SYT6: variants seen among roughly 807,000 people sequenced by gnomAD.
SYT6 encodes the protein synaptotagmin 6.
A neutral mutation model predicts 38.4 loss-of-function variants in SYT6; 24 were observed. The ratio of observed to expected loss-of-function variants is 0.62; its 90% CI spans 0.45 to 0.88. The LOEUF is 0.88. Among genes scored for constraint, SYT6 ranks in the 40% least tolerant of loss-of-function variants. SYT6 has a pLI of 0.00. For missense variants in SYT6, 611 were observed against 621.0 expected (o/e 0.98, Z 0.17); for synonymous variants, 265 against 241.9 (o/e 1.10, Z -0.89).
intron 3 of SYT6, among the ~76,000 whole-genome samples, chr1:114,133,931 C>A (rs1006322750): frequency 1.3e-5 from 2 of 151,802 alleles, no homozygotes; most frequent in African/African-American, 4.8e-5. Context: ...TGTGAGAAAA[C>A]AATGCAAATG....
intron 4 of SYT6, among the ~76,000 whole-genome samples, chr1:114,102,680 G>A (rs952280329): frequency 2.0e-4 from 31 of 152,300 alleles, no homozygotes; most frequent in African/African-American, 5.8e-4. Flanking sequence ...GTGGTTTTAC[G>A]TTGGTAATCT....
chr1:114,107,224 C>T (rs1365191453), intron 3 of SYT6, among the ~76,000 whole-genome samples: 1 of 152,164 alleles, frequency 6.6e-6, no homozygotes, highest in African/African-American at 2.4e-5. Flanking sequence ...AGGGGTCCCT[C>T]GGGGTAAACA....
intron 6 of SYT6, among the ~76,000 whole-genome samples, chr1:114,094,788 A>G (rs1263567488): frequency 6.6e-6 from 1 of 152,232 alleles, no homozygotes. Flanking sequence ...TTATGATTAT[A>G]CAAATGGGAG....
chr1:114,092,338 C>CTCTCTGTG (rs991723002), intron 7 of SYT6, among the ~76,000 whole-genome samples: 12 of 128,570 alleles, frequency 9.3e-5, no homozygotes, highest in African/African-American at 2.8e-4. Flanking sequence ...CTCTCTCTCT[C>CTCTCTGTG]TGTGTGTGTG....
At chr1:114,123,571 A>T in intron 3 of SYT6, among the ~76,000 whole-genome samples, 1 of 152,172 alleles carries the variant, frequency 6.6e-6, no homozygotes, top group East Asian at 1.9e-4. Flanking sequence ...GGGTGGCTGA[A>T]GCTGGACCCT....
chr1:114,118,350 C>T (rs1677129173), intron 3 of SYT6, among the ~76,000 whole-genome samples: 1 of 152,232 alleles, frequency 6.6e-6, no homozygotes, highest in Admixed American at 6.5e-5. Flanking sequence ...TCCTCCCTTC[C>T]AGGCACCAAG....
chr1:114,112,481 G>A (rs914947737), intron 3 of SYT6, among the ~76,000 whole-genome samples: 3 of 152,230 alleles, frequency 2.0e-5, no homozygotes, highest in East Asian at 1.9e-4. Context: ...GCAAATATCC[G>A]TGAGTCAGAA....
chr1:114,124,052 A>C (rs1677579438), intron 3 of SYT6, among the ~76,000 whole-genome samples: 1 of 152,222 alleles, frequency 6.6e-6, no homozygotes, highest in Non-Finnish European at 1.5e-5. Context: ...GGGTTGAGAT[A>C]GAAGTGGCTT....
At chr1:114,100,263 C>T (rs529945671) in intron 4 of SYT6, among the ~76,000 whole-genome samples, 2 of 152,254 alleles carry the variant, frequency 1.3e-5, no homozygotes, top group South Asian at 2.1e-4. Context: ...TAATAGCTTT[C>T]GAGACGCTGA....
intron 3 of SYT6, among the ~76,000 whole-genome samples, chr1:114,105,836 C>A (rs1676275338): frequency 6.6e-6 from 1 of 152,046 alleles, no homozygotes; most frequent in East Asian, 1.9e-4. Flanking sequence ...CTCAAGGGAA[C>A]CCTCACCCTT....
At position 114,090,649 on chromosome 1, in the gene SYT6, T is replaced by G. The variant is rs937969945; in HGVS notation, c.*1485A>C. On this transcript the variant is annotated 3_prime_UTR_variant, in exon 8 of 8. Transcript: ENST00000610222. Reference sequence around the variant, plus strand: ...GGGGTTCTTCAGCAGACTTGCCTCTTGCAAGTAGTACACACAGCTCAGGAA... The same window carrying G: ...GGGGTTCTTCAGCAGACTTGCCTCTGGCAAGTAGTACACACAGCTCAGGAA... 2 of 152,370 alleles carry G rather than the reference T, an allele frequency of 1.3e-5. No individual in the cohort carries two copies. The allele number at this position is 152,370 out of a possible 1,614,324, so 9.4% of individuals were successfully genotyped here.
At position 114,090,532 on chromosome 1, in the gene SYT6, G is replaced by A. The variant is rs149979672; in HGVS notation, c.*1602C>T. ...GTTTAAAATGAGGGATACTTTATTG[G>A]TCGCTGCTCCTCTACCATGTAGCAT... On this transcript the variant is annotated 3_prime_UTR_variant, in exon 8 of 8. Coordinates refer to ENST00000610222, the MANE Select transcript of SYT6 (RefSeq NM_001253772.2). The A allele has an allele frequency of 6.6e-6, 1 of 152,466 alleles. No individual in the cohort carries two copies. Among genetic ancestry groups the A allele is most frequent in the African/African-American group, 2.4e-5 (1 of 41,564 alleles). 9.4% of individuals were successfully genotyped at this position (152,466 alleles called of 1,614,324 possible).
At chr1:114,142,673 C>T (rs772197120) in intron 1 of SYT6, among the ~76,000 whole-genome samples, 29 of 152,142 alleles carry the variant, frequency 1.9e-4, no homozygotes, top group South Asian at 2.1e-4. Flanking sequence ...AGTCCATTGA[C>T]GCAGCAAACT....
At chr1:114,134,727 T>C (rs768783014) in intron 3 of SYT6, among the ~76,000 whole-genome samples, 6 of 152,144 alleles carry the variant, frequency 3.9e-5, no homozygotes, top group Non-Finnish European at 8.8e-5. Flanking sequence ...CAGGTGTTTT[T>C]CAGAAGCTGC....
intron 7 of SYT6, among the ~76,000 whole-genome samples, chr1:114,092,336 CTCTGTGTG>C (rs1675365421): frequency 2.3e-5 from 3 of 130,110 alleles, no homozygotes; most frequent in East Asian, 5.9e-4. Context: ...CTCTCTCTCT[CTCTGTGTG>C]TGTGTGTGTG....
chr1:114,130,395 G>T (rs138466708), intron 3 of SYT6, among the ~76,000 whole-genome samples: 2 of 152,194 alleles, frequency 1.3e-5, no homozygotes, highest in Non-Finnish European at 2.9e-5. Flanking sequence ...TAATTCCCGA[G>T]TGATTCCTCC....
intron 1 of SYT6, among the ~76,000 whole-genome samples, chr1:114,145,502 G>GTTGTTTGTTTTTTTTTTTTTTTT (rs1679109157): frequency 9.0e-6 from 1 of 111,628 alleles, no homozygotes; most frequent in African/African-American, 3.7e-5. Context: ...GAGGTATTAA[G>GTTGTTTGTTTTTTTTTTTTTTTT]TTTTTTTTTT....
At chr1:114,104,790 G>A (rs1301867748) in intron 3 of SYT6, among the ~76,000 whole-genome samples, 1 of 151,998 alleles carries the variant, frequency 6.6e-6, no homozygotes, top group African/African-American at 2.4e-5. Context: ...AAAAATCCCT[G>A]TTTTCATGGA....
chr1:114,150,307 T>C (rs1044040362), intron 1 of SYT6, among the ~76,000 whole-genome samples: 3 of 152,198 alleles, frequency 2.0e-5, no homozygotes, highest in Non-Finnish European at 2.9e-5. Context: ...ACTATAAATC[T>C]AAGGGCTCTA....
Sources: gnomAD v4.1 joint callset for allele counts (sites outside exome capture counted in the v4.1 genomes callset) on GRCh38, gnomAD v4.1.1 for gene constraint, MANE v1.5 for transcripts, NCBI Gene and HGNC (gene_info 2026-07-23, HGNC 2026-07-21) for gene names.